SCD5: variants seen among roughly 807,000 people sequenced by gnomAD.
SCD5 encodes acyl-CoA-desaturase 4.
A neutral mutation model predicts 30.4 loss-of-function variants in SCD5; 20 were observed. The ratio of observed to expected loss-of-function variants is 0.66; its 90% confidence interval spans 0.46 to 0.96. SCD5 has a LOEUF of 0.96. SCD5 is among the 40% of genes least tolerant of loss of function. The probability of loss-of-function intolerance (pLI) is 0.00; values close to 1 mark genes in which losing one functional copy is unlikely to be tolerated. For synonymous variants in SCD5, 173 were observed against 176.4 expected, an observed-to-expected ratio of 0.98 and a Z score of 0.16; for missense variants, 381 against 443.3, an observed-to-expected ratio of 0.86 and a Z score of 1.26.
At chr4:82,694,135 G>A (rs918764867) in intron 2 of SCD5, among the ~76,000 whole-genome samples, 1 of 152,210 alleles carries the variant, frequency 6.6e-6, no homozygotes, top group African/African-American at 2.4e-5. Context: ...GTCCACCCAG[G>A]CATGTTGGGT....
In SCD5 at chr4:82,679,242, A is replaced by AGAG. The variant is rs1560531654; in HGVS notation, c.569+1464_569+1465insCTC. 4.2e-3 allele frequency among the ~76,000 whole-genome samples: 351 copies of AGAG among 83,834 alleles called. 4 individuals are homozygous for AGAG. The highest frequency in any genetic ancestry group is 0.02 in the Middle Eastern group (4 of 204). The allele number at this position is 83,834 out of a possible 152,430, so 55.0% of individuals were successfully genotyped here. A position where few individuals can be genotyped will look rare whatever the true frequency, so the allele number is the denominator to read the frequency against. On this transcript the variant is annotated intron_variant, in intron 3 of 4. Transcript: ENST00000319540. ...AAGAAAAGAAAGAAAGAAAGAAAGA[A>AGAG]AGAAAGAAAGAAAGAAAGAAGGAAG...
chr4:82,674,507 C>G (rs1461438607), intron 3 of SCD5, among the ~76,000 whole-genome samples: 1 of 152,164 alleles, frequency 6.6e-6, no homozygotes, highest in Non-Finnish European at 1.5e-5. Context: ...AACAGAAATT[C>G]TTATTCGTTG....
intron 1 of SCD5, among the ~76,000 whole-genome samples, chr4:82,717,406 T>C (rs561773865): frequency 6.6e-6 from 1 of 151,748 alleles, no homozygotes; most frequent in African/African-American, 2.4e-5. Context: ...TATGCAACTA[T>C]CGAAATCACC....
intron 2 of SCD5, among the ~76,000 whole-genome samples, chr4:82,689,757 T>C (rs6848068): frequency 0.8 from 121,709 of 152,160 alleles, 48,890 homozygotes; most frequent in Middle Eastern, 0.87. Context: ...AAATAGCAAT[T>C]TTACAGTGGA....
Position 82,631,224 on chromosome 4 carries a change from C to A in SCD5, c.*103G>T. ...AAACCACATTGACTCGTTCCTTCCC[C>A]ACCCTCTGCCCCCTCCCACGATCCA... On this transcript the variant is annotated 3_prime_UTR_variant, in exon 5 of 5. Coordinates refer to ENST00000319540, the MANE Select transcript of SCD5 (RefSeq NM_001037582.3). 1.1e-6 allele frequency: 1 copy of A among 907,534 alleles called. No homozygotes were observed. The highest frequency in any genetic ancestry group is 1.6e-6 in the Non-Finnish European group (1 of 625,992). 56.2% of individuals were successfully genotyped at this position (907,534 alleles called of 1,614,324 possible).
intron 1 of SCD5, among the ~76,000 whole-genome samples, chr4:82,755,320 C>T (rs1031721516): frequency 3.9e-5 from 6 of 152,088 alleles, no homozygotes; most frequent in African/African-American, 7.2e-5. Flanking sequence ...GCCAACATGG[C>T]AAAACCCAGT....
intron 3 of SCD5, among the ~76,000 whole-genome samples, chr4:82,652,137 C>G (rs2148814954): frequency 6.6e-6 from 1 of 152,202 alleles, no homozygotes; most frequent in South Asian, 2.1e-4. Flanking sequence ...TGAGCAAAAG[C>G]ACAGTGTCAC....
intron 1 of SCD5, among the ~76,000 whole-genome samples, chr4:82,792,216 C>T (rs1163967656): frequency 1.3e-5 from 2 of 151,714 alleles, no homozygotes; most frequent in Admixed American, 1.3e-4. Context: ...GAGATCGCAC[C>T]ACTGCACTTG....
intron 2 of SCD5, among the ~76,000 whole-genome samples, chr4:82,688,269 C>A (rs559645735): frequency 6.2e-4 from 94 of 152,116 alleles, no homozygotes; most frequent in Middle Eastern, 6.8e-3. Context: ...AGAAAATATG[C>A]GTGTGCATGC....
chr4:82,756,229 G>A (rs1578054764), intron 1 of SCD5, among the ~76,000 whole-genome samples: 1 of 152,204 alleles, frequency 6.6e-6, no homozygotes, highest in East Asian at 1.9e-4. Context: ...ATTCCTGCTG[G>A]TGGCAGCAGT....
At position 82,734,717 on chromosome 4, in the gene SCD5, C is replaced by CTT. The variant is rs555114086; in HGVS notation, c.233-29306_233-29305dup. Reference sequence around the variant, plus strand: ...CTTTTTAGCTGTATTGTTGCTTGGGCTTTTTTTTTAAAACAAGCCTATAGT... The same window carrying CTT: ...CTTTTTAGCTGTATTGTTGCTTGGGCTTTTTTTTTTTAAAACAAGCCTATAGT... On this transcript the variant is annotated intron_variant, in intron 1 of 4. Coordinates refer to ENST00000319540, the MANE Select transcript of SCD5 (RefSeq NM_001037582.3). 1.7e-3 allele frequency among the ~76,000 whole-genome samples: 248 copies of CTT among 149,530 alleles called. 1 individual carries two copies. The highest frequency in any genetic ancestry group is 5.7e-3 in the African/African-American group (231 of 40,732).
At position 82,705,565 on chromosome 4, in the gene SCD5, C is replaced by A; in HGVS notation, c.233-152G>T. On this transcript the variant is annotated intron_variant, in intron 1 of 4. Coordinates refer to ENST00000319540, the MANE Select transcript of SCD5 (RefSeq NM_001037582.3). ...AATCAATAACTTGAGAGGAGGCAGC[C>A]TTTTTATTGATTTGTAGCATCCCAG... is the stretch of plus-strand genomic sequence containing the variant. 3 of 1,097,560 alleles carry A rather than the reference C, an allele frequency of 2.7e-6. No homozygotes were observed. The East Asian group carries it at 7.8e-5, about 29-fold the overall frequency. The allele number at this position is 1,097,560 out of a possible 1,614,324, so 68.0% of individuals were successfully genotyped here. A position where few individuals can be genotyped will look rare whatever the true frequency, so the allele number is the denominator to read the frequency against.
chr4:82,755,120 G>A (rs530929745), intron 1 of SCD5, among the ~76,000 whole-genome samples: 7 of 149,854 alleles, frequency 4.7e-5, no homozygotes, highest in African/African-American at 1.2e-4. Context: ...GAAGATGGGG[G>A]GTGAGGATGG....
intron 3 of SCD5, among the ~76,000 whole-genome samples, chr4:82,648,186 G>A (rs1202622278): frequency 6.6e-6 from 1 of 152,236 alleles, no homozygotes; most frequent in Non-Finnish European, 1.5e-5. Context: ...CTGAACCTCA[G>A]GACATTCCCT....
intron 2 of SCD5, among the ~76,000 whole-genome samples, chr4:82,688,166 T>C (rs1229576017): frequency 6.6e-6 from 1 of 152,224 alleles, no homozygotes; most frequent in Non-Finnish European, 1.5e-5. Context: ...ATTCCACTTG[T>C]ATTCATAACA....
chr4:82,751,877 C>T (rs568423956), intron 1 of SCD5, among the ~76,000 whole-genome samples: 27 of 152,242 alleles, frequency 1.8e-4, no homozygotes, highest in African/African-American at 6.3e-4. Flanking sequence ...TGCCAGTTTC[C>T]GCCTCCCAAA....
chr4:82,675,542 C>T (rs1277466124), intron 3 of SCD5, among the ~76,000 whole-genome samples: 1 of 152,158 alleles, frequency 6.6e-6, no homozygotes, highest in Non-Finnish European at 1.5e-5. Context: ...CATCCATTTT[C>T]TTTCAGTTTA....
At chr4:82,793,177 G>A (rs1722135983) in intron 1 of SCD5, among the ~76,000 whole-genome samples, 1 of 152,170 alleles carries the variant, frequency 6.6e-6, no homozygotes, top group African/African-American at 2.4e-5. Context: ...TAGTTTAATT[G>A]AGCATTAAAG....
intron 2 of SCD5, among the ~76,000 whole-genome samples, chr4:82,700,067 A>C (rs555960120): frequency 2.0e-5 from 3 of 151,944 alleles, no homozygotes; most frequent in Admixed American, 2.0e-4. Context: ...AAATGCAAAA[A>C]CAAGCTGGGT....
Sources: gnomAD v4.1 joint callset for allele counts (sites outside exome capture counted in the v4.1 genomes callset) on GRCh38, gnomAD v4.1.1 for gene constraint, MANE v1.5 for transcripts, NCBI Gene and HGNC (gene_info 2026-07-23, HGNC 2026-07-21) for gene names.